The following KSR2 variants were observed in gnomAD, a reference collection of about 807,000 sequenced individuals.
The protein encoded by KSR2 is kinase suppressor of ras 2.
A neutral mutation model predicts 107.8 loss-of-function variants in KSR2; 25 were observed. The observed-to-expected ratio is 0.23, with a 90% CI of 0.17 to 0.32. The LOEUF is 0.32. Ranked by LOEUF, KSR2 falls within the 10% of genes least tolerant of loss-of-function variation. KSR2 has a pLI of 1.00. For missense variants in KSR2, 887 were observed against 1,268.9 expected (o/e 0.70, Z 4.57); for synonymous variants, 480 against 507.0 (o/e 0.95, Z 0.71).
intron 4 of KSR2, among the ~76,000 whole-genome samples, chr12:117,756,992 T>A (rs1389782530): frequency 6.6e-6 from 1 of 151,264 alleles, no homozygotes; most frequent in Non-Finnish European, 1.5e-5. Context: ...GAGGTGGAGG[T>A]TGCAGTGAGC....
intron 3 of KSR2, among the ~76,000 whole-genome samples, chr12:117,833,189 G>A (rs1566038080): frequency 1.3e-5 from 2 of 152,128 alleles, no homozygotes; most frequent in South Asian, 2.1e-4. Flanking sequence ...TACAAGGGAC[G>A]GGACAACTCA....
rs139790832 is a variant in KSR2, at chr12:117,701,950, A to G, written c.987-34292T>C. Among the ~76,000 whole-genome samples, 216 of 152,278 alleles carry G rather than the reference A, an allele frequency of 1.4e-3. 1 individual carries two copies. Among genetic ancestry groups the G allele is most frequent in the Non-Finnish European group, 2.7e-3 (181 of 68,020 alleles). ...AAATTTCTATTGCTTTCAGCCATCA[A>G]ATTTGGGGTAATTTGTTATAGGAGC... On this transcript the variant is annotated intron_variant, in intron 4 of 19. Transcript: ENST00000339824.
At chr12:117,469,135 A>AG (rs1258645564) in intron 19 of KSR2, among the ~76,000 whole-genome samples, 1 of 152,168 alleles carries the variant, frequency 6.6e-6, no homozygotes, top group Non-Finnish European at 1.5e-5. Context: ...GCCAGAAACA[A>AG]GGGGGAGGAG....
intron 3 of KSR2, among the ~76,000 whole-genome samples, chr12:117,799,671 A>C (rs929175793): frequency 6.6e-6 from 1 of 152,210 alleles, no homozygotes; most frequent in Non-Finnish European, 1.5e-5. Context: ...ATTGAGGCTC[A>C]GCACAGTCAC....
intron 3 of KSR2, among the ~76,000 whole-genome samples, chr12:117,805,940 C>T (rs1372997622): frequency 6.6e-6 from 1 of 152,060 alleles, no homozygotes; most frequent in Non-Finnish European, 1.5e-5. Flanking sequence ...CAAGATTGTG[C>T]CACTGCACTC....
chr12:117,870,172 G>A (rs1244570642), intron 1 of KSR2, among the ~76,000 whole-genome samples: 1 of 152,190 alleles, frequency 6.6e-6, no homozygotes, highest in South Asian at 2.1e-4. Flanking sequence ...ATTCATCTTA[G>A]GAAGCCTTCT....
At chr12:117,531,943 C>A (rs1052538570) in intron 10 of KSR2, among the ~76,000 whole-genome samples, 3 of 152,156 alleles carry the variant, frequency 2.0e-5, no homozygotes, top group Non-Finnish European at 2.9e-5. Flanking sequence ...AATCAGACTG[C>A]TCCAACTCAA....
chr12:117,933,101 T>C (rs1379385406), intron 1 of KSR2, among the ~76,000 whole-genome samples: 1 of 152,172 alleles, frequency 6.6e-6, no homozygotes, highest in African/African-American at 2.4e-5. Context: ...TTCTTCCCAA[T>C]GTTAGCATGA....
At chr12:117,503,641 A>G (rs940967085) in intron 14 of KSR2, among the ~76,000 whole-genome samples, 1 of 152,234 alleles carries the variant, frequency 6.6e-6, no homozygotes, top group Admixed American at 6.5e-5. Context: ...CGTTCTGAGT[A>G]GCGAGAAATA....
chr12:117,545,231 C>T (rs751243149), intron 9 of KSR2, among the ~76,000 whole-genome samples: 6 of 152,066 alleles, frequency 3.9e-5, no homozygotes, highest in Non-Finnish European at 7.4e-5. Context: ...AGAATTTTCG[C>T]ATCTATATTA....
intron 4 of KSR2, among the ~76,000 whole-genome samples, chr12:117,689,741 T>C (rs1483419849): frequency 1.3e-5 from 2 of 150,850 alleles, no homozygotes; most frequent in African/African-American, 4.9e-5. Flanking sequence ...AATATAAATA[T>C]AAATATGTAT....
At chr12:117,586,183 G>A (rs1055680554) in intron 5 of KSR2, among the ~76,000 whole-genome samples, 1 of 152,154 alleles carries the variant, frequency 6.6e-6, no homozygotes, top group African/African-American at 2.4e-5. Flanking sequence ...GCTCCCTGAC[G>A]GATGAGCTAG....
intron 4 of KSR2, among the ~76,000 whole-genome samples, chr12:117,726,373 AT>A (rs1264396973): frequency 3.3e-5 from 5 of 152,182 alleles, no homozygotes; most frequent in Non-Finnish European, 7.3e-5. Context: ...ACCTATTAGG[AT>A]GAATAAAGTT....
At chr12:117,954,545 T>G (rs1896452285) in intron 1 of KSR2, among the ~76,000 whole-genome samples, 1 of 152,212 alleles carries the variant, frequency 6.6e-6, no homozygotes, top group Non-Finnish European at 1.5e-5. Context: ...GGGTTTCTTC[T>G]TCTCACACAT....
At chr12:117,552,121 C>A (rs1432569251) in intron 9 of KSR2, among the ~76,000 whole-genome samples, 3 of 152,228 alleles carry the variant, frequency 2.0e-5, no homozygotes, top group Non-Finnish European at 2.9e-5. Flanking sequence ...AGACCTATAT[C>A]TTTTGCCAAT....
chr12:117,570,888 A>G (rs559520008), intron 7 of KSR2, among the ~76,000 whole-genome samples: 3 of 152,318 alleles, frequency 2.0e-5, no homozygotes, highest in East Asian at 3.9e-4. Flanking sequence ...TTTCACTGTC[A>G]TAAGTTGAGT....
Position 117,498,332 on chromosome 12 carries a change from G to A in KSR2, c.2220-12641C>T, listed in dbSNP as rs528495455. Among the ~76,000 whole-genome samples, 15 of 152,242 alleles carry A rather than the reference G, an allele frequency of 9.9e-5. No individual in the cohort carries two copies. In the South Asian group the frequency reaches 2.9e-3, roughly 30 times the overall value. Reference sequence around the variant, plus strand: ...CCCCCCAAATTCAGGGCAGGGCCATGTTAATCCTTATCATGCATTTGCTGC... The same window carrying A: ...CCCCCCAAATTCAGGGCAGGGCCATATTAATCCTTATCATGCATTTGCTGC... On this transcript the variant is annotated intron_variant, in intron 14 of 19. Coordinates refer to ENST00000339824, the MANE Select transcript of KSR2 (RefSeq NM_173598.6).
chr12:117,847,114 A>G (rs1038728774), intron 3 of KSR2, among the ~76,000 whole-genome samples: 15 of 152,240 alleles, frequency 9.9e-5, no homozygotes, highest in Non-Finnish European at 2.2e-4. Context: ...GAAAGGAAAG[A>G]CATCAGTGTC....
intron 4 of KSR2, among the ~76,000 whole-genome samples, chr12:117,716,005 C>T (rs1047066802): frequency 6.6e-6 from 1 of 152,202 alleles, no homozygotes; most frequent in Non-Finnish European, 1.5e-5. Flanking sequence ...CTTTGTACGG[C>T]CTCTTCTCTG....
Sources: gnomAD v4.1 joint callset for allele counts (sites outside exome capture counted in the v4.1 genomes callset) on GRCh38, gnomAD v4.1.1 for gene constraint, MANE v1.5 for transcripts, NCBI Gene and HGNC (gene_info 2026-07-23, HGNC 2026-07-21) for gene names.